The following SLC24A2 variants were observed in gnomAD, a reference collection of about 807,000 sequenced individuals.
SLC24A2 encodes the protein sodium/potassium/calcium exchanger 2.
A neutral mutation model predicts 62.0 loss-of-function variants in SLC24A2; 36 were observed. The ratio of observed to expected loss-of-function variants is 0.58; its 90% CI spans 0.44 to 0.77. SLC24A2 has a LOEUF of 0.77. SLC24A2 is among the 30% of genes least tolerant of loss of function. The pLI is 0.00. For synonymous variants in SLC24A2, 358 were observed against 294.0 expected, an observed-to-expected ratio of 1.22 and a Z score of -2.23; for missense variants, 846 against 817.9, an observed-to-expected ratio of 1.03 and a Z score of -0.42.
intron 8 of SLC24A2, among the ~76,000 whole-genome samples, chr9:19,541,558 C>A (rs1834258528): frequency 6.8e-6 from 1 of 147,566 alleles, no homozygotes; most frequent in African/African-American, 2.5e-5. Context: ...AGGCAGTCTG[C>A]CCGTTCTCAG....
chr9:19,684,816 T>A (rs1163657795), intron 2 of SLC24A2, among the ~76,000 whole-genome samples: 1 of 151,982 alleles, frequency 6.6e-6, no homozygotes, highest in East Asian at 1.9e-4. Context: ...CTCTTACCAC[T>A]CCTGTTCAAC....
chr9:19,518,401 TTTTC>T (rs1460941726), intron 10 of SLC24A2, among the ~76,000 whole-genome samples: 2 of 151,750 alleles, frequency 1.3e-5, no homozygotes, highest in African/African-American at 2.4e-5. Context: ...TTTATTTTTC[TTTTC>T]TTTCTTTTTC....
rs1477073880 is a variant in SLC24A2, at chr9:19,532,484, T to TTTTTTA, written c.1480-4347_1480-4346insTAAAAA. Among the ~76,000 whole-genome samples, 68 of 152,242 alleles carry TTTTTTA rather than the reference T, an allele frequency of 4.5e-4. 1 individual carries two copies. The highest frequency in any genetic ancestry group is 3.2e-3 in the Middle Eastern group (1 of 316). ...CAGTTGTTAAATTGTATTGTTTTTA[T>TTTTTTA]CTGTATTTTTTACTGTTGTATTAAA... On this transcript the variant is annotated intron_variant, in intron 8 of 10. Coordinates refer to ENST00000341998, the MANE Select transcript of SLC24A2 (RefSeq NM_020344.4).
the SLC24A2 span, among the ~76,000 whole-genome samples, chr9:20,163,297 A>G: frequency 5.9e-5 from 9 of 152,192 alleles, no homozygotes; most frequent in Non-Finnish European, 1.5e-5. Flanking sequence ...AGGATACAAA[A>G]TCAATGTGCA....
chr9:20,033,470 C>T, the SLC24A2 span, among the ~76,000 whole-genome samples: 300 of 140,818 alleles, frequency 2.1e-3, no homozygotes, highest in African/African-American at 7.0e-3. Context: ...ATGTTTGTGA[C>T]TCCCTTTTAC....
chr9:20,160,364 C>G, the SLC24A2 span, among the ~76,000 whole-genome samples: 1 of 151,310 alleles, frequency 6.6e-6, no homozygotes, highest in East Asian at 1.9e-4. Flanking sequence ...ACATACTACT[C>G]TCATACTGAC....
the SLC24A2 span, among the ~76,000 whole-genome samples, chr9:20,019,281 AAGAAAGAAAGAAAGAAAG>A: frequency 6.7e-6 from 1 of 149,670 alleles, no homozygotes; most frequent in Non-Finnish European, 1.5e-5. Context: ...GAAAGAAAGA[AAGAAAGAAAGAAAGAAAG>A]AAAGAAAGAA....
chr9:19,526,755 G>C (rs1227839527), intron 9 of SLC24A2, among the ~76,000 whole-genome samples: 1 of 152,056 alleles, frequency 6.6e-6, no homozygotes, highest in Admixed American at 6.6e-5. Context: ...TGCTTTATCA[G>C]ATATATATGA....
the SLC24A2 span, among the ~76,000 whole-genome samples, chr9:19,947,410 AGGAG>A: frequency 6.6e-6 from 1 of 151,214 alleles, no homozygotes; most frequent in Non-Finnish European, 1.5e-5. Flanking sequence ...GAAGGAAGGA[AGGAG>A]GAAGGAAGGA....
intron 7 of SLC24A2, among the ~76,000 whole-genome samples, chr9:19,552,387 A>T (rs1157598271): frequency 1.3e-5 from 2 of 152,200 alleles, no homozygotes; most frequent in East Asian, 3.8e-4. Context: ...TCCCTCCCAG[A>T]TATGATCCTT....
chr9:20,208,424 C>T, the SLC24A2 span, among the ~76,000 whole-genome samples: 1 of 152,254 alleles, frequency 6.6e-6, no homozygotes, highest in South Asian at 2.1e-4. Flanking sequence ...ACCATGATTC[C>T]GGGTGGTCTG....
the SLC24A2 span, among the ~76,000 whole-genome samples, chr9:19,915,338 T>C: frequency 6.6e-6 from 1 of 152,182 alleles, no homozygotes; most frequent in Non-Finnish European, 1.5e-5. Flanking sequence ...CATCAATTGA[T>C]AGACATTTGG....
At chr9:19,678,656 C>T (rs1279183704) in intron 2 of SLC24A2, among the ~76,000 whole-genome samples, 2 of 152,142 alleles carry the variant, frequency 1.3e-5, no homozygotes, top group African/African-American at 2.4e-5. Context: ...AATACAGAGC[C>T]TTTGCCTTTT....
the SLC24A2 span, among the ~76,000 whole-genome samples, chr9:19,908,012 T>A: frequency 1.2e-4 from 18 of 152,228 alleles, no homozygotes; most frequent in East Asian, 3.1e-3. Context: ...ACCAAAAAAG[T>A]GCCCGCATCA....
the SLC24A2 span, among the ~76,000 whole-genome samples, chr9:20,291,020 C>T: frequency 1.3e-5 from 2 of 152,154 alleles, no homozygotes; most frequent in African/African-American, 4.8e-5. Context: ...GGATTTCAGC[C>T]CCACTCACCC....
At chr9:19,933,770 A>G in the SLC24A2 span, among the ~76,000 whole-genome samples, 1 of 152,236 alleles carries the variant, frequency 6.6e-6, no homozygotes, top group East Asian at 1.9e-4. Flanking sequence ...TATCCATACA[A>G]TGCAATATTG....
At chr9:19,615,729 G>C (rs1460129477) in intron 4 of SLC24A2, among the ~76,000 whole-genome samples, 2 of 152,102 alleles carry the variant, frequency 1.3e-5, no homozygotes, top group African/African-American at 4.8e-5. Context: ...CTGGATTCAG[G>C]AGGCACATCT....
At chr9:19,772,214 G>T (rs1214459050) in intron 2 of SLC24A2, among the ~76,000 whole-genome samples, 1 of 152,160 alleles carries the variant, frequency 6.6e-6, no homozygotes, top group Non-Finnish European at 1.5e-5. Flanking sequence ...TCTATAATCA[G>T]GAAGTCCTGG....
At chr9:19,987,330 C>A in the SLC24A2 span, among the ~76,000 whole-genome samples, 2 of 152,286 alleles carry the variant, frequency 1.3e-5, no homozygotes, top group South Asian at 2.1e-4. Flanking sequence ...TAGCAAAATT[C>A]TCTTCTGAAT....
Sources: gnomAD v4.1 joint callset for allele counts (sites outside exome capture counted in the v4.1 genomes callset) on GRCh38, gnomAD v4.1.1 for gene constraint, MANE v1.5 for transcripts, NCBI Gene and HGNC (gene_info 2026-07-23, HGNC 2026-07-21) for gene names.